Variants in NFAM1 observed in about 807,000 individuals in gnomAD.
NFAM1 encodes NFAT activation molecule 1.
Under a neutral mutation model 29.0 loss-of-function variants are expected in NFAM1, and 17 were observed. The ratio of observed to expected loss-of-function variants is 0.59; its 90% CI spans 0.40 to 0.88. The LOEUF (loss-of-function observed/expected upper bound fraction) is 0.88, where lower values mean the gene tolerates loss of function less well. NFAM1 is among the 40% of genes least tolerant of loss of function. The probability of loss-of-function intolerance (pLI) is 0.00; values close to 1 mark genes in which losing one functional copy is unlikely to be tolerated. For synonymous variants in NFAM1, 175 were observed against 147.2 expected (o/e 1.19, Z -1.36); for missense variants, 324 against 344.6 (o/e 0.94, Z 0.47).
intron 4 of NFAM1, among the ~76,000 whole-genome samples, chr22:42,390,770 T>C (rs1433943705): frequency 6.9e-6 from 1 of 144,954 alleles, no homozygotes; most frequent in African/African-American, 2.6e-5. Context: ...TGAGCCAAGA[T>C]TGTGCCACTG....
Position 42,411,700 on chromosome 22 carries a change from A to G in NFAM1, c.158T>C (p.Met53Thr), listed in dbSNP as rs763015326. 1.2e-6 allele frequency: 2 copies of G among 1,614,116 alleles called. No homozygotes were observed. The highest frequency in any genetic ancestry group is 2.2e-5 in the South Asian group (2 of 91,082). The change falls in exon 2 of 6, where the codon ATG (methionine) becomes ACG (threonine). Residue 53 changes from methionine to threonine, a missense_variant. Physicochemically the swap from Met to Thr is moderately conservative, Grantham distance 81. Transcript: ENST00000329021. ...QSVTHTGLPIMASLANTAISF... is the reference protein window; with the variant it reads ...QSVTHTGLPITASLANTAISF... ...GATAGCTGTGTTGGCCAGGGAGGCCATGATGGGCAGGCCGGTGTGGGTCAC... is the reference window on the plus strand; with the variant it reads ...GATAGCTGTGTTGGCCAGGGAGGCCGTGATGGGCAGGCCGGTGTGGGTCAC...
At chr22:42,432,961 T>A (rs1421184863), upstream of NFAM1, among the ~76,000 whole-genome samples, 1 of 151,992 alleles carries the variant, frequency 6.6e-6, no homozygotes, top group Admixed American at 6.5e-5. Flanking sequence ...GTGGGTCCCC[T>A]GCAGAGGCCC....
chr22:42,413,069 A>G (rs1930146931), intron 1 of NFAM1, among the ~76,000 whole-genome samples: 1 of 152,188 alleles, frequency 6.6e-6, no homozygotes, highest in African/African-American at 2.4e-5. Flanking sequence ...TCAGCTGCAC[A>G]GGCCCCTCGG....
intron 1 of NFAM1, among the ~76,000 whole-genome samples, chr22:42,431,365 C>A (rs1385982099): frequency 1.3e-5 from 2 of 152,126 alleles, no homozygotes; most frequent in Admixed American, 6.5e-5. Context: ...CTCTTGAAAG[C>A]CCCATAAACT....
intron 1 of NFAM1, among the ~76,000 whole-genome samples, chr22:42,416,377 C>G (rs182688161): frequency 5.9e-5 from 9 of 152,216 alleles, no homozygotes; most frequent in South Asian, 2.1e-4. Context: ...GGCCAGGCTT[C>G]GGACCCCAGT....
chr22:42,427,878 C>A (rs1930673135), intron 1 of NFAM1, among the ~76,000 whole-genome samples: 1 of 152,130 alleles, frequency 6.6e-6, no homozygotes, highest in Non-Finnish European at 1.5e-5. Flanking sequence ...GATGGGGGTA[C>A]CTTTGGTGGG....
chr22:42,413,318 T>C (rs889554074), intron 1 of NFAM1, among the ~76,000 whole-genome samples: 1 of 152,068 alleles, frequency 6.6e-6, no homozygotes, highest in African/African-American at 2.4e-5. Context: ...TCTTCCCAGG[T>C]CTCTTCAGTT....
chr22:42,428,172 T>A (rs764479609), intron 1 of NFAM1, among the ~76,000 whole-genome samples: 52 of 152,190 alleles, frequency 3.4e-4, no homozygotes, highest in Non-Finnish European at 6.5e-4. Context: ...GCCGTCAAGC[T>A]GAGCCTCTCC....
At chr22:42,412,973 C>G (rs1409437199) in intron 1 of NFAM1, among the ~76,000 whole-genome samples, 1 of 152,212 alleles carries the variant, frequency 6.6e-6, no homozygotes, top group East Asian at 1.9e-4. Context: ...GCAGCCCTGC[C>G]TGGGGGGCTC....
At chr22:42,393,135 G>A (rs953620804) in intron 4 of NFAM1, among the ~76,000 whole-genome samples, 1 of 151,862 alleles carries the variant, frequency 6.6e-6, no homozygotes, top group Admixed American at 6.6e-5. Flanking sequence ...TATGCCATGA[G>A]CACTCTTCCA....
At chr22:42,389,555 G>A (rs1469255407) in intron 4 of NFAM1, among the ~76,000 whole-genome samples, 1 of 150,562 alleles carries the variant, frequency 6.6e-6, no homozygotes, top group African/African-American at 2.4e-5. Flanking sequence ...TGCCTGCTGG[G>A]AGATTGCACA....
At chr22:42,405,271 G>A (rs572551174) in intron 3 of NFAM1, among the ~76,000 whole-genome samples, 12 of 152,300 alleles carry the variant, frequency 7.9e-5, no homozygotes, top group Middle Eastern at 3.4e-3. Context: ...GCCTGGCCCC[G>A]TTCTGTTCCT....
intron 4 of NFAM1, among the ~76,000 whole-genome samples, chr22:42,395,595 A>C (rs903964002): frequency 1.6e-4 from 24 of 151,854 alleles, no homozygotes; most frequent in African/African-American, 5.3e-4. Context: ...AGAAAATCCA[A>C]AGGAAGGCCA....
At chr22:42,420,863 G>A (rs1478586592) in intron 1 of NFAM1, among the ~76,000 whole-genome samples, 1 of 152,192 alleles carries the variant, frequency 6.6e-6, no homozygotes, top group African/African-American at 2.4e-5. Context: ...AAAATTCAGA[G>A]GCTGTTTCCT....
chr22:42,404,128 C>T lies in NFAM1; in HGVS notation c.564+5307G>A, dbSNP rs527947895. Among the ~76,000 whole-genome samples the T allele has an allele frequency of 1.3e-4, 20 of 152,248 alleles. No individual in the cohort carries two copies. In the South Asian group the frequency reaches 3.1e-3, roughly 24 times the overall value. ...TACCACCCTCCAGCTCCCATCTTCC[C>T]GGGGGTGTGAGCTCCGTGCCCTCCC... On this transcript the variant is annotated intron_variant, in intron 3 of 5. Coordinates refer to ENST00000329021, the MANE Select transcript of NFAM1 (RefSeq NM_145912.8).
intron 3 of NFAM1, among the ~76,000 whole-genome samples, chr22:42,405,459 G>A (rs1929865179): frequency 6.6e-6 from 1 of 152,166 alleles, no homozygotes; most frequent in South Asian, 2.1e-4. Flanking sequence ...GCTCGGTAGT[G>A]AACAAATCGA....
intron 1 of NFAM1, among the ~76,000 whole-genome samples, chr22:42,431,876 A>G (rs1930812227): frequency 6.8e-6 from 1 of 148,110 alleles, no homozygotes; most frequent in Non-Finnish European, 1.5e-5. Context: ...CCCCCGCAGC[A>G]GCCACGTGAG....
chr22:42,406,215 G>A (rs547230912), intron 3 of NFAM1, among the ~76,000 whole-genome samples: 122 of 133,542 alleles, frequency 9.1e-4, no homozygotes, highest in African/African-American at 2.9e-3. Context: ...AACCACTTGC[G>A]CGAGTCCCTT....
chr22:42,435,010 G>A (rs1198696634), upstream of NFAM1, among the ~76,000 whole-genome samples: 4 of 152,348 alleles, frequency 2.6e-5, no homozygotes, highest in Non-Finnish European at 4.4e-5. Context: ...CTAGGGGCAC[G>A]GCAACCTCAG....
Sources: allele counts gnomAD v4.1 joint callset (sites outside exome capture counted in the v4.1 genomes callset), GRCh38; gene constraint gnomAD v4.1.1; transcripts MANE v1.5; gene names NCBI Gene and HGNC (gene_info 2026-07-23, HGNC 2026-07-21).